The following PNPLA3 variants were observed in gnomAD, a reference collection of about 807,000 sequenced individuals.
PNPLA3 encodes the protein 1-acylglycerol-3-phosphate O-acyltransferase PNPLA3.
Under a neutral mutation model 43.1 loss-of-function variants are expected in PNPLA3, and 42 were observed. The ratio of observed to expected loss-of-function variants is 0.97; its 90% confidence interval spans 0.76 to 1.26. The LOEUF (loss-of-function observed/expected upper bound fraction) is 1.26. Among genes scored for constraint, PNPLA3 ranks in the 50% most tolerant of loss-of-function variants. The pLI is 0.00. For synonymous variants in PNPLA3, 272 were observed against 253.6 expected (o/e 1.07, Z -0.69); for missense variants, 647 against 621.4 (o/e 1.04, Z -0.44).
intron 4 of PNPLA3, among the ~76,000 whole-genome samples, chr22:43,933,475 C>G (rs2049974987): frequency 6.6e-6 from 1 of 152,114 alleles, no homozygotes; most frequent in Non-Finnish European, 1.5e-5. Context: ...AAGCCTCAGA[C>G]TCCTGGGTTC....
Position 43,926,973 on chromosome 22 carries a change from G to T in PNPLA3, c.226G>T (p.Ala76Ser). 1 of 1,614,214 alleles carries T rather than the reference G, an allele frequency of 6.2e-7. No individual in the cohort carries two copies. Among genetic ancestry groups the T allele is most frequent in the South Asian group, 1.1e-5 (1 of 91,080 alleles). ...LQVLSDLVRK[A>S]RSRNIGIFHP... ...GGTCCTCTCAGATCTTGTGCGGAAGGCCAGGAGTCGGAACATTGGCATCTT... is the reference window on the plus strand; with the variant it reads ...GGTCCTCTCAGATCTTGTGCGGAAGTCCAGGAGTCGGAACATTGGCATCTT... The change falls in exon 2 of 9, where the codon GCC becomes TCC. Residue 76 changes from alanine to serine, a missense_variant. Ala to Ser is a moderately conservative substitution (Grantham distance 99). Transcript: ENST00000216180.
At chr22:43,939,313 C>T (rs1393212633) in intron 6 of PNPLA3, 2 of 863,500 alleles carry the variant, frequency 2.3e-6, no homozygotes, top group Non-Finnish European at 2.8e-6. Flanking sequence ...ATGACTTACA[C>T]ACCATTTTCT....
Position 43,923,814 on chromosome 22 carries a change from T to C in PNPLA3, c.-98T>C. ...GACACTGAGGCAGGGTAGAGAGCGC[T>C]TGCGGGCGCCGGGCGGAGCTGCTGC... On this transcript the variant is annotated 5_prime_UTR_variant, in exon 1 of 9. Coordinates refer to ENST00000216180, the MANE Select transcript of PNPLA3 (RefSeq NM_025225.3). 1 of 1,246,640 alleles carries C rather than the reference T, an allele frequency of 8.0e-7. No individual in the cohort carries two copies. Among genetic ancestry groups the C allele is most frequent in the South Asian group, 1.7e-5 (1 of 58,666 alleles). 77.2% of individuals were successfully genotyped at this position (1,246,640 alleles called of 1,614,324 possible). A position where few individuals can be genotyped will look rare whatever the true frequency, so the allele number is the denominator to read the frequency against.
intron 2 of PNPLA3, among the ~76,000 whole-genome samples, chr22:43,928,075 T>C (rs738407): frequency 0.41 from 61,680 of 152,134 alleles, 12,844 homozygotes; most frequent in East Asian, 0.57. Context: ...AGAAGATAAT[T>C]TGTAATACCA....
Position 43,946,670 on chromosome 22 carries a change from A to G in PNPLA3, c.*288A>G. 1.7e-6 allele frequency: 1 copy of G among 593,486 alleles called. No individual in the cohort carries two copies. Among genetic ancestry groups the G allele is most frequent in the Non-Finnish European group, 3.2e-6 (1 of 309,448 alleles). 36.8% of individuals were successfully genotyped at this position (593,486 alleles called of 1,614,324 possible). A position where few individuals can be genotyped will look rare whatever the true frequency, so the allele number is the denominator to read the frequency against. ...TACTGACTGTTTCGTGGCCCTATTA[A>G]TGGTCAGACTGTTCCAGCATGAGGT... On this transcript the variant is annotated 3_prime_UTR_variant, in exon 9 of 9. Coordinates refer to ENST00000216180, the MANE Select transcript of PNPLA3 (RefSeq NM_025225.3).
Position 43,946,843 on chromosome 22 carries a change from G to A in PNPLA3, c.*461G>A, listed in dbSNP as rs751930941. On this transcript the variant is annotated 3_prime_UTR_variant, in exon 9 of 9. Coordinates refer to ENST00000216180, the MANE Select transcript of PNPLA3 (RefSeq NM_025225.3). ...AGGGGTGCAGTTCGTCCCCAAGAACGACACTGCCTGTCAGGTGGTCTGCAA... is the reference window on the plus strand; with the variant it reads ...AGGGGTGCAGTTCGTCCCCAAGAACAACACTGCCTGTCAGGTGGTCTGCAA... The A allele has an allele frequency of 6.7e-6, 3 of 444,948 alleles. No individual in the cohort carries two copies. Among genetic ancestry groups the A allele is most frequent in the Admixed American group, 2.6e-5 (1 of 39,212 alleles). 27.6% of individuals were successfully genotyped at this position (444,948 alleles called of 1,614,324 possible).
At chr22:43,942,701 CTTTTT>C (rs398037291) in intron 7 of PNPLA3, among the ~76,000 whole-genome samples, 3 of 113,676 alleles carry the variant, frequency 2.6e-5, no homozygotes, top group Admixed American at 1.1e-4. Context: ...TTTCTTTTTT[CTTTTT>C]TTTTTTTTTT....
In PNPLA3 at chr22:43,935,210, G is replaced by A. The variant is rs532188193; in HGVS notation, c.757+544G>A. 3.5e-4 allele frequency among the ~76,000 whole-genome samples: 54 copies of A among 152,258 alleles called. 3 individuals are homozygous for A. The South Asian group carries it at 0.011, about 31-fold the overall frequency. ...AATATTAGAGTGGAAGGAAAAAGAT[G>A]TGTTGGGAGCTATTTTTCTTTAATA... On this transcript the variant is annotated intron_variant, in intron 5 of 8. Coordinates refer to ENST00000216180, the MANE Select transcript of PNPLA3 (RefSeq NM_025225.3).
intron 7 of PNPLA3, among the ~76,000 whole-genome samples, chr22:43,944,164 C>T (rs1007157407): frequency 6.6e-6 from 1 of 152,172 alleles, no homozygotes; most frequent in Non-Finnish European, 1.5e-5. Flanking sequence ...ATTCCTTCTC[C>T]ACTCCCCAGG....
intron 4 of PNPLA3, among the ~76,000 whole-genome samples, chr22:43,933,383 G>T (rs1603416425): frequency 6.6e-6 from 1 of 152,000 alleles, no homozygotes. Flanking sequence ...TAGTTATAAA[G>T]ATTTTTTTTT....
rs1426669151 is a variant in PNPLA3 at position 43,924,198 on chromosome 22, G to A, written c.187+100G>A. 8 of 1,285,632 alleles carry A rather than the reference G, an allele frequency of 6.2e-6. No homozygotes were observed. The East Asian group carries it at 2.5e-4, about 40-fold the overall frequency. 79.6% of individuals were successfully genotyped at this position (1,285,632 alleles called of 1,614,324 possible). ...GGGGTCGCGGGGCCCTGGAGGAGCG[G>A]GCATCGGACGCGGACACGGCGGGGT... On this transcript the variant is annotated intron_variant, in intron 1 of 8. Coordinates refer to ENST00000216180, the MANE Select transcript of PNPLA3 (RefSeq NM_025225.3).
intron 5 of PNPLA3, among the ~76,000 whole-genome samples, chr22:43,935,229 T>C (rs1320862608): frequency 6.6e-6 from 1 of 152,182 alleles, no homozygotes; most frequent in African/African-American, 2.4e-5. Flanking sequence ...GCTATTTTTC[T>C]TTAATACTAA....
intron 1 of PNPLA3, among the ~76,000 whole-genome samples, chr22:43,925,774 T>C (rs894449586): frequency 1.3e-5 from 2 of 152,202 alleles, no homozygotes; most frequent in African/African-American, 4.8e-5. Context: ...TTAGCAACAA[T>C]AAAAGTCAGC....
At chr22:43,941,249 A>G (rs1397130844) in intron 7 of PNPLA3, among the ~76,000 whole-genome samples, 1 of 147,038 alleles carries the variant, frequency 6.8e-6, no homozygotes, top group Admixed American at 6.9e-5. Context: ...CAGAGCCAGC[A>G]GTTAGGAGAA....
At chr22:43,933,565 T>C (rs1199969382) in intron 4 of PNPLA3, among the ~76,000 whole-genome samples, 1 of 151,886 alleles carries the variant, frequency 6.6e-6, no homozygotes, top group Non-Finnish European at 1.5e-5. Context: ...TTTTTAAAAA[T>C]TTTGTGGAGT....
chr22:43,946,058 C>CAATGTGGG, intron 8 of PNPLA3, 96 bp from the exon 9 acceptor site: 1 of 1,112,088 alleles, frequency 9.0e-7, no homozygotes, highest in African/African-American at 1.5e-5. Context: ...GTGTGTGGTG[C>CAATGTGGG]CCTCTACTGG....
intron 7 of PNPLA3, among the ~76,000 whole-genome samples, chr22:43,941,166 A>AAT (rs2050028559): frequency 6.6e-6 from 1 of 151,842 alleles, no homozygotes; most frequent in South Asian, 2.1e-4. Context: ...AAAAAAAAAA[A>AAT]AAATCAAATC....
At position 43,937,132 on chromosome 22, in the gene PNPLA3, A is replaced by T. The variant is rs1342688032; in HGVS notation, c.839A>T (p.Asn280Ile). ...GAGGTCGCCATGCCCAGCTGGGCAA[A>T]CATGAGTCTGGATTCTTCCCCGGAG... The part of the protein sequence containing the change: ...DPEVAMPSWA[N>I]MSLDSSPESA... The change falls in exon 6 of 9, where the codon AAC becomes ATC. Residue 280 changes from asparagine to isoleucine, a missense_variant. Asn to Ile is a moderately radical substitution (Grantham distance 149, BLOSUM62 -3). Transcript: ENST00000216180. The T allele has an allele frequency of 1.6e-5, 26 of 1,614,060 alleles. No individual in the cohort carries two copies. Among genetic ancestry groups the T allele is most frequent in the Non-Finnish European group, 2.2e-5 (26 of 1,180,036 alleles).
intron 3 of PNPLA3, among the ~76,000 whole-genome samples, chr22:43,931,338 T>C (rs1427776763): frequency 1.3e-5 from 2 of 152,142 alleles, no homozygotes; most frequent in Non-Finnish European, 2.9e-5. Context: ...CCACTGGAGC[T>C]CCTAAATTCA....
Sources: gnomAD v4.1 joint callset for allele counts (sites outside exome capture counted in the v4.1 genomes callset) on GRCh38, gnomAD v4.1.1 for gene constraint, MANE v1.5 for transcripts, NCBI Gene and HGNC (gene_info 2026-07-23, HGNC 2026-07-21) for gene names.